The following GLIS3 variants were observed in gnomAD, a reference collection of about 807,000 sequenced individuals.
GLIS3 encodes the protein zinc finger protein GLIS3.
In GLIS3, 53 loss-of-function variants were observed where a neutral mutation model predicts 78.6. The observed-to-expected ratio is 0.67, with a 90% CI of 0.54 to 0.85. The LOEUF is 0.85. GLIS3 is among the 40% of genes least tolerant of loss of function. The pLI is 0.00. For synonymous variants in GLIS3, 684 were observed against 509.9 expected (o/e 1.34, Z -4.60); for missense variants, 1,703 against 1,231.1 (o/e 1.38, Z -5.74).
Position 3,977,937 on chromosome 9 carries a change from A to T in GLIS3, c.1711-40748T>A, listed in dbSNP as rs550646420. Reference sequence around the variant, plus strand: ...TTATTTGTGAGTGTGAAATGGTAATATTTCATGACAGCGAAAGGCCAGTTG... The same window carrying T: ...TTATTTGTGAGTGTGAAATGGTAATTTTTCATGACAGCGAAAGGCCAGTTG... On this transcript the variant is annotated intron_variant, in intron 4 of 10. Transcript: ENST00000381971. This position sits in a 1 kb window ranked among gnomAD's most constrained non-coding sequence, Gnocchi z 4.1. 1.3e-5 allele frequency among the ~76,000 whole-genome samples: 2 copies of T among 152,316 alleles called. No individual in the cohort carries two copies. Among genetic ancestry groups the T allele is most frequent in the East Asian group, 3.9e-4 (2 of 5,186 alleles).
intron 2 of GLIS3, among the ~76,000 whole-genome samples, chr9:4,263,179 C>T (rs535820743): frequency 6.6e-6 from 1 of 152,286 alleles, no homozygotes; most frequent in Non-Finnish European, 1.5e-5. Context: ...ACATTCAATT[C>T]ACAGCATCCT....
chr9:4,174,510 A>T (rs1197386440), intron 2 of GLIS3, among the ~76,000 whole-genome samples: 1 of 152,242 alleles, frequency 6.6e-6, no homozygotes, highest in Non-Finnish European at 1.5e-5. Flanking sequence ...ATATCTTAGG[A>T]TCATCAAAAG....
chr9:4,351,436 T>G (rs1438490078), upstream of GLIS3, among the ~76,000 whole-genome samples: 3 of 151,774 alleles, frequency 2.0e-5, no homozygotes, highest in African/African-American at 7.2e-5. Context: ...GAGAAATCTT[T>G]TACATATCTC....
chr9:3,885,624 C>G (rs1036373773), intron 7 of GLIS3, among the ~76,000 whole-genome samples: 2 of 152,146 alleles, frequency 1.3e-5, no homozygotes, highest in Non-Finnish European at 2.9e-5. Context: ...ATAAGCTAAT[C>G]AATGAAATCA....
chr9:4,179,717 C>T lies in GLIS3; in HGVS notation c.389-53776G>A, dbSNP rs1362197815. 2.6e-5 allele frequency among the ~76,000 whole-genome samples: 4 copies of T among 152,206 alleles called. No homozygotes were observed. In the East Asian group the frequency reaches 7.7e-4, roughly 29 times the overall value. ...CTGAGGTTAGGAGTTCGAGACCAGC[C>T]TGGCCAACGTGGTGAAACCCCGTCT... On this transcript the variant is annotated intron_variant, in intron 2 of 10. Coordinates refer to ENST00000381971, the MANE Select transcript of GLIS3 (RefSeq NM_001042413.2).
chr9:3,959,867 T>C lies in GLIS3; in HGVS notation c.1711-22678A>G, dbSNP rs141152257. Among the ~76,000 whole-genome samples, 944 of 152,302 alleles carry C rather than the reference T, an allele frequency of 6.2e-3. 9 individuals are homozygous for C. The highest frequency in any genetic ancestry group is 0.037 in the Middle Eastern group (11 of 294). ...TGGTCCCTTTATAGAAAGAGGAAATTTGGGCCGGGAGCCTTGGCTCAAGCC... is the reference window on the plus strand; with the variant it reads ...TGGTCCCTTTATAGAAAGAGGAAATCTGGGCCGGGAGCCTTGGCTCAAGCC... On this transcript the variant is annotated intron_variant, in intron 4 of 10. Coordinates refer to ENST00000381971, the MANE Select transcript of GLIS3 (RefSeq NM_001042413.2).
the GLIS3 span, among the ~76,000 whole-genome samples, chr9:4,456,629 T>C: frequency 6.6e-6 from 1 of 152,256 alleles, no homozygotes; most frequent in Admixed American, 6.5e-5. Flanking sequence ...GCTTTCAACA[T>C]GCCTTCCTCA....
chr9:4,349,721 GA>G (rs34085309), upstream of GLIS3, among the ~76,000 whole-genome samples: 27,866 of 150,800 alleles, frequency 0.18, 2,675 homozygotes, highest in Middle Eastern at 0.3. Context: ...ATAAAAGACA[GA>G]AAAAAAAATA....
chr9:4,457,340 G>A, the GLIS3 span, among the ~76,000 whole-genome samples: 2 of 149,532 alleles, frequency 1.3e-5, no homozygotes, highest in Admixed American at 6.6e-5. Context: ...CAGCCTGGGC[G>A]ACAGAGTGAG....
At chr9:4,416,366 T>C in the GLIS3 span, among the ~76,000 whole-genome samples, 4 of 151,082 alleles carry the variant, frequency 2.6e-5, no homozygotes, top group Admixed American at 2.6e-4. Flanking sequence ...TTAAAACCTC[T>C]CTTACTGTTG....
the GLIS3 span, among the ~76,000 whole-genome samples, chr9:4,401,578 T>A: frequency 7.3e-4 from 107 of 146,068 alleles, no homozygotes; most frequent in Non-Finnish European, 1.4e-3. Flanking sequence ...TTTCTTTTTT[T>A]TTTTTTTGCA....
intron 4 of GLIS3, among the ~76,000 whole-genome samples, chr9:4,091,003 T>C (rs915190046): frequency 6.6e-6 from 1 of 152,112 alleles, no homozygotes; most frequent in Non-Finnish European, 1.5e-5. Context: ...TTAGTGTCCA[T>C]ATATAAAAAG....
At chr9:4,103,039 G>C (rs1033509713) in intron 4 of GLIS3, among the ~76,000 whole-genome samples, 1 of 152,058 alleles carries the variant, frequency 6.6e-6, no homozygotes, top group African/African-American at 2.4e-5. Flanking sequence ...TCAAATAAAA[G>C]AGGCATCCTG....
intron 2 of GLIS3, among the ~76,000 whole-genome samples, chr9:4,275,604 A>T (rs1020881643): frequency 1.3e-4 from 9 of 68,844 alleles, no homozygotes; most frequent in African/African-American, 2.1e-4. Context: ...TACAAAAATT[A>T]AAAAAAAAAA....
intron 6 of GLIS3, among the ~76,000 whole-genome samples, chr9:3,913,432 T>G (rs1029844857): frequency 1.3e-5 from 2 of 152,334 alleles, no homozygotes. Flanking sequence ...GGCTTTAACA[T>G]GCTGGCTCTC....
At chr9:3,848,516 A>G (rs1324036684) in intron 9 of GLIS3, among the ~76,000 whole-genome samples, 1 of 152,064 alleles carries the variant, frequency 6.6e-6, no homozygotes, top group Non-Finnish European at 1.5e-5. Context: ...AAATAAATAA[A>G]TAAAATAAAA....
At chr9:4,124,067 C>CT (rs986142840) in intron 3 of GLIS3, among the ~76,000 whole-genome samples, 4 of 152,086 alleles carry the variant, frequency 2.6e-5, no homozygotes, top group Non-Finnish European at 4.4e-5. Context: ...GCCCCTTATT[C>CT]TTTCTCTCCA....
At position 4,052,622 on chromosome 9, in the gene GLIS3, T is replaced by C. The variant is rs963219552; in HGVS notation, c.1710+65146A>G. On this transcript the variant is annotated intron_variant, in intron 4 of 10. Coordinates refer to ENST00000381971, the MANE Select transcript of GLIS3 (RefSeq NM_001042413.2). ...TTTGTGCCTAGCTTTTTTCACTTAG[T>C]ACAATGTTTTCAAGGTTCATCAATG... Among the ~76,000 whole-genome samples, 4 of 152,214 alleles carry C rather than the reference T, an allele frequency of 2.6e-5. No individual in the cohort carries two copies. The East Asian group carries it at 7.7e-4, about 29-fold the overall frequency.
At chr9:4,455,517 A>T in the GLIS3 span, among the ~76,000 whole-genome samples, 2 of 152,186 alleles carry the variant, frequency 1.3e-5, no homozygotes, top group Admixed American at 6.5e-5. Context: ...GTCACTAAAC[A>T]AGTTATCCTG....
Sources: allele counts gnomAD v4.1 joint callset (sites outside exome capture counted in the v4.1 genomes callset), GRCh38; gene constraint gnomAD v4.1.1; non-coding constraint Gnocchi (gnomAD v3.1); transcripts MANE v1.5; gene names NCBI Gene and HGNC (gene_info 2026-07-23, HGNC 2026-07-21).